The following POLA1 variants were observed in gnomAD, a reference collection of about 807,000 sequenced individuals.
POLA1 encodes the protein DNA polymerase alpha catalytic subunit.
Under a neutral mutation model 124.0 loss-of-function variants are expected in POLA1, and 15 were observed. That is an observed-to-expected ratio of 0.12 (90% CI 0.08 to 0.19). The LOEUF is 0.19. Ranked by LOEUF, POLA1 falls within the 10% of genes least tolerant of loss-of-function variation. The pLI, the probability that POLA1 is intolerant of heterozygous loss-of-function variation, is 1.00. For synonymous variants in POLA1, 408 were observed against 389.4 expected (o/e 1.05, Z -0.56); for missense variants, 886 against 1,103.4 (o/e 0.80, Z 2.79).
chrX:24,890,114 G>A (rs749824417), intron 35 of POLA1, among the ~76,000 whole-genome samples: 1 of 99,434 alleles, frequency 1.0e-5, no homozygotes, highest in East Asian at 3.2e-4. Context: ...TTGAGACAGA[G>A]TCTTACTCTG....
chrX:24,904,828 C>G (rs1244937787), intron 35 of POLA1, among the ~76,000 whole-genome samples: 2 of 110,948 alleles, frequency 1.8e-5, no homozygotes, highest in East Asian at 5.7e-4. Flanking sequence ...AGTTCGAGAC[C>G]AGCCTGGCCA....
chrX:24,773,828 A>G (rs1432501781), intron 26 of POLA1, among the ~76,000 whole-genome samples: 1 of 111,899 alleles, frequency 8.9e-6, no homozygotes, highest in Non-Finnish European at 1.9e-5. Flanking sequence ...TTTTGCATTT[A>G]TGTTTTATAA....
At chrX:24,972,848 G>C (rs776489664) in intron 36 of POLA1, among the ~76,000 whole-genome samples, 46 of 112,724 alleles carry the variant, frequency 4.1e-4, no homozygotes, top group Admixed American at 1.3e-3. Flanking sequence ...TATAGGATAA[G>C]TTCCACTTTT....
chrX:24,830,722 A>G (rs1370856777), intron 32 of POLA1, among the ~76,000 whole-genome samples: 9 of 112,116 alleles, frequency 8.0e-5, no homozygotes, highest in Non-Finnish European at 1.7e-4. Context: ...TATTCACAGT[A>G]TGCTCAAACA....
chrX:24,825,560 A>G (rs956849861), intron 31 of POLA1, among the ~76,000 whole-genome samples: 1 of 112,601 alleles, frequency 8.9e-6, no homozygotes, highest in African/African-American at 3.2e-5. Context: ...TGAGAGGAAG[A>G]GTGAGTGAGT....
At chrX:24,869,125 G>T (rs945961252) in intron 34 of POLA1, among the ~76,000 whole-genome samples, 1 of 111,797 alleles carries the variant, frequency 8.9e-6, no homozygotes, top group Non-Finnish European at 1.9e-5. Flanking sequence ...ATAGAGACAG[G>T]GTCTCACCAT....
intron 35 of POLA1, among the ~76,000 whole-genome samples, chrX:24,924,046 C>T (rs1169984795): frequency 1.8e-5 from 2 of 111,900 alleles, no homozygotes; most frequent in East Asian, 5.6e-4. Context: ...TTAATGCATT[C>T]ATTTAAAAGA....
chrX:24,984,085 G>A (rs933836016), intron 36 of POLA1, among the ~76,000 whole-genome samples: 5 of 112,366 alleles, frequency 4.4e-5, no homozygotes, highest in African/African-American at 9.7e-5. Flanking sequence ...GAGACACACC[G>A]CTTTCCCTTT....
intron 19 of POLA1, among the ~76,000 whole-genome samples, chrX:24,738,195 G>A (rs1931407062): frequency 1.1e-5 from 1 of 88,219 alleles, no homozygotes; most frequent in African/African-American, 5.9e-5. Flanking sequence ...AGTCCGGCCT[G>A]GGCGACAGAG....
At chrX:24,960,361 C>T (rs1033208080) in intron 36 of POLA1, among the ~76,000 whole-genome samples, 5 of 111,899 alleles carry the variant, frequency 4.5e-5, no homozygotes, top group African/African-American at 6.5e-5. Context: ...CACTGAGCTG[C>T]GCACCTCTTC....
chrX:24,809,364 G>A (rs2045860027), intron 26 of POLA1, among the ~76,000 whole-genome samples: 2 of 111,569 alleles, frequency 1.8e-5, no homozygotes, highest in Admixed American at 9.6e-5. Flanking sequence ...AGATATCCAC[G>A]TTCGTCTTAA....
chrX:24,749,838 A>G (rs953442054), intron 26 of POLA1, among the ~76,000 whole-genome samples: 1 of 112,412 alleles, frequency 8.9e-6, no homozygotes, highest in Non-Finnish European at 1.9e-5. Flanking sequence ...TGGACACTGT[A>G]AGCTTCAACT....
chrX:24,767,150 C>T (rs990062452), intron 26 of POLA1, among the ~76,000 whole-genome samples: 2 of 112,152 alleles, frequency 1.8e-5, no homozygotes, highest in Non-Finnish European at 3.8e-5. Flanking sequence ...TATTCTAGTA[C>T]AGGACATCTC....
chrX:24,725,440 C>T (rs1009859425), intron 12 of POLA1, among the ~76,000 whole-genome samples: 10 of 110,647 alleles, frequency 9.0e-5, no homozygotes, highest in Admixed American at 1.9e-4. Context: ...TCAAGTGATC[C>T]GCCCGCCTCG....
chrX:24,757,990 C>A (rs909133304), intron 26 of POLA1, among the ~76,000 whole-genome samples: 4 of 111,336 alleles, frequency 3.6e-5, no homozygotes, highest in African/African-American at 1.3e-4. Context: ...AAGGAACCAT[C>A]TGTTTGCTTG....
intron 36 of POLA1, among the ~76,000 whole-genome samples, chrX:24,952,017 A>G (rs2048052693): frequency 1.8e-5 from 2 of 111,817 alleles, no homozygotes; most frequent in Non-Finnish European, 3.8e-5. Flanking sequence ...TGCACGAGTT[A>G]GGGGGTATCA....
In POLA1 at chrX:24,745,009, T is replaced by G. The variant is rs866435281; in HGVS notation, c.2567-409T>G. On this transcript the variant is annotated intron_variant, in intron 23 of 36. Coordinates refer to ENST00000379068, the MANE Select transcript of POLA1 (RefSeq NM_001330360.2). ...ACTTGGTTTTATTTGGGGTGGGGGGTGGGAGAGTAGGTAGGAGGATTCTTC... is the reference window on the plus strand; with the variant it reads ...ACTTGGTTTTATTTGGGGTGGGGGGGGGGAGAGTAGGTAGGAGGATTCTTC... Among the ~76,000 whole-genome samples, 231 of 43,909 alleles carry G rather than the reference T, an allele frequency of 5.3e-3. 1 individual carries two copies. Among genetic ancestry groups the G allele is most frequent in the African/African-American group, 0.022 (212 of 9,435 alleles). 38.1% of individuals were successfully genotyped at this position (43,909 alleles called of 115,157 possible).
At chrX:24,753,461 T>C (rs1932433618) in intron 26 of POLA1, among the ~76,000 whole-genome samples, 1 of 109,392 alleles carries the variant, frequency 9.1e-6, no homozygotes, top group Non-Finnish European at 1.9e-5. Context: ...CAGACAATCT[T>C]CTCCCCTCAG....
In POLA1 at chrX:24,727,001, A is replaced by G. The variant is rs1461316752; in HGVS notation, c.1461A>G (p.Thr487=). 8.3e-7 allele frequency: 1 copy of G among 1,197,662 alleles called. No homozygotes were observed. The highest frequency in any genetic ancestry group is 1.1e-6 in the Non-Finnish European group (1 of 885,729). ...TTTCTCATGTATTTGGGACCAACAC[A>G]TCTAGCCTGGAACTGTTCTTGATGA... ...ETFSHVFGTN[T]SSLELFLMNR... The change falls in exon 14 of 37, where the codon ACA becomes ACG. Residue 487 remains threonine (T), a synonymous_variant. Coordinates refer to ENST00000379068, the MANE Select transcript of POLA1 (RefSeq NM_001330360.2).
Sources: gnomAD v4.1 joint callset for allele counts (sites outside exome capture counted in the v4.1 genomes callset) on GRCh38, gnomAD v4.1.1 for gene constraint, MANE v1.5 for transcripts, NCBI Gene and HGNC (gene_info 2026-07-23, HGNC 2026-07-21) for gene names.